GTF3C3: variants seen among roughly 807,000 people sequenced by gnomAD.
The protein encoded by GTF3C3 is general transcription factor IIIC subunit 3, also known as general transcription factor 3C polypeptide 3.
Under a neutral mutation model 105.2 loss-of-function variants are expected in GTF3C3, and 75 were observed. That is an observed-to-expected ratio of 0.71 (90% CI 0.59 to 0.86). The LOEUF (loss-of-function observed/expected upper bound fraction) is 0.86. GTF3C3 is among the 40% of genes least tolerant of loss of function. GTF3C3 has a pLI of 0.00. For missense variants in GTF3C3, 856 were observed against 1,076.5 expected, an observed-to-expected ratio of 0.80 and a Z score of 2.87; for synonymous variants, 335 against 370.4, an observed-to-expected ratio of 0.90 and a Z score of 1.10.
chr2:196,775,218 A>T lies in GTF3C3; in HGVS notation c.1729T>A (p.Ser577Thr). ...AMNRAQVCLISSSKSGERHLY... is the reference protein window; with the variant it reads ...AMNRAQVCLITSSKSGERHLY... ...TGCCTCTCTCCAGACTTGGAACTGG[A>T]TATCAAACAAACTTGGGCTCGATTC... Residue 577 changes from serine to threonine, a missense_variant, in exon 13 of 18, where the codon TCC (serine) becomes ACC (threonine). Ser to Thr is a moderately conservative substitution (Grantham distance 58). Transcript: ENST00000263956. The T allele has an allele frequency of 6.2e-7, 1 of 1,607,986 alleles. No homozygotes were observed. The highest frequency in any genetic ancestry group is 1.1e-5 in the South Asian group (1 of 89,290).
At chr2:196,781,355 A>ATATATATTATATATATATATATAT (rs1442698575) in intron 8 of GTF3C3, among the ~76,000 whole-genome samples, 4 of 31,186 alleles carry the variant, frequency 1.3e-4, no homozygotes, top group Non-Finnish European at 2.9e-4. Flanking sequence ...AAAAAAAAAA[A>ATATATATTATATATATATATATAT]AAATATATAT....
intron 9 of GTF3C3, among the ~76,000 whole-genome samples, chr2:196,779,520 A>G (rs1366041306): frequency 6.6e-6 from 1 of 152,174 alleles, no homozygotes; most frequent in Non-Finnish European, 1.5e-5. Context: ...TAAATAACTC[A>G]TACCCAGTGA....
chr2:196,783,423 A>C (rs1489779611), intron 8 of GTF3C3, among the ~76,000 whole-genome samples: 2 of 152,206 alleles, frequency 1.3e-5, no homozygotes, highest in Non-Finnish European at 2.9e-5. Context: ...GAAAAATCTT[A>C]AGCAGAAATT....
In GTF3C3 at chr2:196,791,248, T is replaced by C. The variant is rs113258676; in HGVS notation, c.535+89A>G. ...ATCACCCTTAAGCTTCTGAACATAT[T>C]TTCCAAATAGTACTGTGAAGTGCTC... On this transcript the variant is annotated intron_variant, in intron 4 of 17. Transcript: ENST00000263956. 9.2e-5 allele frequency: 116 copies of C among 1,255,404 alleles called. No individual in the cohort carries two copies. The African/African-American group carries it at 1.5e-3, about 16-fold the overall frequency. 77.8% of individuals were successfully genotyped at this position (1,255,404 alleles called of 1,614,324 possible).
Position 196,789,976 on chromosome 2 carries a change from C to G in GTF3C3, c.630G>C (p.Ala210=). 1.2e-6 allele frequency: 2 copies of G among 1,613,164 alleles called. No individual in the cohort carries two copies. Among genetic ancestry groups the G allele is most frequent in the Non-Finnish European group, 1.7e-6 (2 of 1,179,282 alleles). ...CTTCTGTGTCACTGGGATTTAAATG[C>G]GCAGCAATCAACTCAAACTGCAATG... ...EKSLQFELIA[A]HLNPSDTEEW... is the part of the protein sequence containing the mutation. Residue 210 remains alanine, a synonymous_variant, in exon 5 of 18, where the codon GCG becomes GCC. Transcript: ENST00000263956.
intron 9 of GTF3C3, among the ~76,000 whole-genome samples, chr2:196,779,333 G>C (rs1041113070): frequency 3.9e-5 from 6 of 152,016 alleles, no homozygotes; most frequent in Admixed American, 3.9e-4. Flanking sequence ...TCACCATGTT[G>C]GCCAGGCTAG....
At chr2:196,782,337 T>A (rs1020073354) in intron 8 of GTF3C3, among the ~76,000 whole-genome samples, 1 of 145,620 alleles carries the variant, frequency 6.9e-6, no homozygotes, top group Non-Finnish European at 1.5e-5. Context: ...CATTACCCAG[T>A]CTAAGGTCTT....
intron 10 of GTF3C3, chr2:196,777,943 A>G (rs374778451): frequency 5.6e-4 from 86 of 152,350 alleles, no homozygotes; most frequent in African/African-American, 2.0e-3. Context: ...TTAAAATTCA[A>G]ATCTCACAAA....
rs769914255 is a variant in GTF3C3, at chr2:196,781,342, G to GAAAAAAAAAAAAAAAAAAAAA, written c.1115-681_1115-680insTTTTTTTTTTTTTTTTTTTTT. Among the ~76,000 whole-genome samples the GAAAAAAAAAAAAAAAAAAAAA allele has an allele frequency of 4.5e-4, 14 of 31,452 alleles. 1 individual carries two copies. The highest frequency in any genetic ancestry group is 7.2e-4 in the Non-Finnish European group (13 of 18,174). The allele number at this position is 31,452 out of a possible 152,430, so 20.6% of individuals were successfully genotyped here. A position where few individuals can be genotyped will look rare whatever the true frequency, so the allele number is the denominator to read the frequency against. ...AACTGCAGATCAAAAATGTTAAGGG[G>GAAAAAAAAAAAAAAAAAAAAA]AAAAAAAAAAAAAAAATATATATAT... On this transcript the variant is annotated intron_variant, in intron 8 of 17. Transcript: ENST00000263956.
intron 8 of GTF3C3, among the ~76,000 whole-genome samples, chr2:196,782,625 A>C (rs1576027987): frequency 7.6e-6 from 1 of 131,684 alleles, no homozygotes; most frequent in Non-Finnish European, 1.7e-5. Flanking sequence ...AGGTGCAAAC[A>C]AAAAAAAAAA....
At chr2:196,766,941 C>G (rs1448624696) in intron 16 of GTF3C3, 4 of 336,766 alleles carry the variant, frequency 1.2e-5, no homozygotes, top group Non-Finnish European at 1.6e-5. Flanking sequence ...TCACAGAAAA[C>G]AGAGCCAAAT....
rs999275642 is a variant in GTF3C3, at chr2:196,788,862, C to T, written c.893+342G>A. 3.3e-5 allele frequency among the ~76,000 whole-genome samples: 5 copies of T among 152,004 alleles called. No homozygotes were observed. In the South Asian group the frequency reaches 6.2e-4, roughly 19 times the overall value. ...AAAGAAATGCTTGAGGTCAGGAGTTCGAGACCAGCCTGAACAACACAGCAA... is the reference window on the plus strand; with the variant it reads ...AAAGAAATGCTTGAGGTCAGGAGTTTGAGACCAGCCTGAACAACACAGCAA... On this transcript the variant is annotated intron_variant, in intron 6 of 17. Transcript: ENST00000263956.
At chr2:196,766,438 T>C (rs575995946) in intron 17 of GTF3C3, 127 bp downstream of exon 17, 1 of 695,516 alleles carries the variant, frequency 1.4e-6, no homozygotes, top group Admixed American at 2.9e-5. Flanking sequence ...CATAATTACG[T>C]AAACATACTG....
At chr2:196,797,275 C>T (rs1699663453) in intron 2 of GTF3C3, among the ~76,000 whole-genome samples, 1 of 152,138 alleles carries the variant, frequency 6.6e-6, no homozygotes, top group South Asian at 2.1e-4. Context: ...TCTGGGTGCA[C>T]TAACCAAATT....
intron 1 of GTF3C3, 85 bp from the exon 2 acceptor site, chr2:196,797,993 G>C: frequency 2.5e-6 from 2 of 801,050 alleles, no homozygotes; most frequent in South Asian, 2.9e-5. Flanking sequence ...TCTAGTCCTA[G>C]CTTTGCCACT....
Position 196,789,206 on chromosome 2 carries a change from T to C in GTF3C3, c.891A>G (p.Ala297=), listed in dbSNP as rs1450987914. The change falls in exon 6 of 18, where the codon GCA becomes GCG. Residue 297 remains alanine, a splice_region_variant and synonymous_variant. Transcript: ENST00000263956. ...GATCTGTTTCACTCCAAACTTACTT[T>C]GCCATATCTCTAGCCAGCTGCATAA... The part of the protein sequence containing the change: ...ERFMQLARDM[A]KSYYEANDVT... The C allele has an allele frequency of 2.5e-6, 4 of 1,595,712 alleles. No individual in the cohort carries two copies. In the South Asian group the frequency reaches 4.6e-5, roughly 18 times the overall value.
chr2:196,765,942 G>A (rs1012598185), intron 17 of GTF3C3, among the ~76,000 whole-genome samples: 7 of 149,638 alleles, frequency 4.7e-5, no homozygotes, highest in Non-Finnish European at 1.0e-4. Context: ...CCCGGGAGGC[G>A]GAGCTTGCAG....
chr2:196,781,383 TATATAA>T (rs1275323496), intron 8 of GTF3C3, among the ~76,000 whole-genome samples: 24 of 122,950 alleles, frequency 2.0e-4, no homozygotes, highest in African/African-American at 6.8e-4. Context: ...TATATATATA[TATATAA>T]AATTAAATAA....
chr2:196,778,071 CACT>C (rs1309747480), intron 10 of GTF3C3: 4 of 152,188 alleles, frequency 2.6e-5, no homozygotes, highest in Admixed American at 2.6e-4. Context: ...GATGTGAGTG[CACT>C]ACTGCCCCAA....
Sources: allele counts gnomAD v4.1 joint callset (sites outside exome capture counted in the v4.1 genomes callset), GRCh38; gene constraint gnomAD v4.1.1; transcripts MANE v1.5; gene names NCBI Gene and HGNC (gene_info 2026-07-23, HGNC 2026-07-21).